TMED3: variants seen among roughly 807,000 people sequenced by gnomAD.
TMED3 encodes the protein transmembrane emp24 domain-containing protein 3.
In TMED3, 9 loss-of-function variants were observed where a neutral mutation model predicts 15.0. The observed-to-expected ratio is 0.60, with a 90% CI of 0.36 to 1.04. TMED3 has a LOEUF of 1.04. Among genes scored for constraint, TMED3 ranks in the 50% least tolerant of loss-of-function variants. The pLI is 0.01. For missense variants in TMED3, 267 were observed against 278.9 expected, an observed-to-expected ratio of 0.96 and a Z score of 0.30; for synonymous variants, 117 against 121.4, an observed-to-expected ratio of 0.96 and a Z score of 0.24.
At chr15:79,395,511 A>T (rs1374403266) in intron 2 of TMED3, among the ~76,000 whole-genome samples, 2 of 152,214 alleles carry the variant, frequency 1.3e-5, no homozygotes, top group African/African-American at 4.8e-5. Flanking sequence ...GGCCATACTT[A>T]ATTTAAAAAT....
chr15:79,329,672 G>T (rs1350856534), intron 2 of TMED3, among the ~76,000 whole-genome samples: 2 of 152,206 alleles, frequency 1.3e-5, no homozygotes, highest in Non-Finnish European at 2.9e-5. Flanking sequence ...CAGAGCCGGA[G>T]CAGGTAGCGG....
In TMED3 at chr15:79,386,827, G is replaced by A. The variant is rs1485245547; in HGVS notation, c.418-24573G>A. On this transcript the variant is annotated intron_variant, in intron 2 of 2. Coordinates refer to the TMED3 transcript ENST00000424155. ...CTCCCAAAGTGCTGGGATTACAGCC[G>A]TGAGCCACTGTGCCTGGACTTTAAA... Among the ~76,000 whole-genome samples, 6 of 151,434 alleles carry A rather than the reference G, an allele frequency of 4.0e-5. 1 individual carries two copies. Among genetic ancestry groups the A allele is most frequent in the Middle Eastern group, 6.9e-3 (2 of 288 alleles).
At chr15:79,399,095 G>C (rs1219443446) in intron 2 of TMED3, among the ~76,000 whole-genome samples, 1 of 152,132 alleles carries the variant, frequency 6.6e-6, no homozygotes, top group African/African-American at 2.4e-5. Flanking sequence ...AGTTTTAGTA[G>C]AGATGGGGTT....
intron 2 of TMED3, among the ~76,000 whole-genome samples, chr15:79,409,945 G>A (rs1463203037): frequency 6.6e-6 from 1 of 151,996 alleles, no homozygotes; most frequent in Non-Finnish European, 1.5e-5. Context: ...CCTGTAGAGG[G>A]GTAAACTAAT....
At chr15:79,401,560 C>T (rs1893833878) in intron 2 of TMED3, among the ~76,000 whole-genome samples, 1 of 151,904 alleles carries the variant, frequency 6.6e-6, no homozygotes, top group South Asian at 2.1e-4. Flanking sequence ...AAACATCCTG[C>T]AATGAACAGC....
intron 2 of TMED3, among the ~76,000 whole-genome samples, chr15:79,348,314 T>C (rs895786483): frequency 6.6e-6 from 1 of 152,188 alleles, no homozygotes; most frequent in Non-Finnish European, 1.5e-5. Flanking sequence ...ATATATACTT[T>C]TTAAGCCAGC....
Position 79,322,077 on chromosome 15 carries a change from G to A in TMED3, c.517G>A (p.Glu173Lys). The change falls in exon 3 of 3, where the codon GAA becomes AAA. Residue 173 changes from glutamate (E) to lysine (K), a missense_variant. By Grantham distance (56) the Glu-to-Lys change is moderately conservative. This residue lies in a region of TMED3 where 139 missense variants were observed against 125.0 expected (regional missense o/e 1.11). Transcript: ENST00000299705. The part of the protein sequence containing the change: ...LREAQDRARA[E>K]DLNSRVSYWS... ...GGAGGCCCAGGACCGGGCCCGAGCA[G>A]AAGACCTTAATAGCCGAGTCTCTTA... is the stretch of plus-strand genomic sequence containing the variant. The A allele has an allele frequency of 6.2e-7, 1 of 1,614,224 alleles. No homozygotes were observed. Among genetic ancestry groups the A allele is most frequent in the Non-Finnish European group, 8.5e-7 (1 of 1,180,046 alleles).
intron 2 of TMED3, among the ~76,000 whole-genome samples, chr15:79,404,157 C>T (rs1383378566): frequency 6.6e-6 from 1 of 152,184 alleles, no homozygotes; most frequent in Non-Finnish European, 1.5e-5. Context: ...TTCTTTAAGA[C>T]TTTGCATGGA....
At chr15:79,337,816 AATGTGGT>A (rs879943767) in intron 2 of TMED3, among the ~76,000 whole-genome samples, 6 of 152,222 alleles carry the variant, frequency 3.9e-5, no homozygotes, top group Admixed American at 3.9e-4. Context: ...TTTGTAACAA[AATGTGGT>A]ATTAAGGGAA....
intron 2 of TMED3, among the ~76,000 whole-genome samples, chr15:79,374,570 T>TA (rs1259515554): frequency 1.3e-5 from 2 of 152,260 alleles, no homozygotes; most frequent in East Asian, 3.9e-4. Flanking sequence ...TGGATTCAGT[T>TA]AAAAATTCCC....
chr15:79,312,614 G>T (rs1410630840), intron 1 of TMED3, among the ~76,000 whole-genome samples: 2 of 152,178 alleles, frequency 1.3e-5, no homozygotes, highest in Non-Finnish European at 2.9e-5. Context: ...CGTGTCCTTT[G>T]ATGGATCTTG....
chr15:79,311,970 C>T (rs1312473002), intron 1 of TMED3, among the ~76,000 whole-genome samples: 1 of 152,216 alleles, frequency 6.6e-6, no homozygotes. Context: ...TTACAAGGAG[C>T]GGTGTGGCTG....
chr15:79,409,140 C>T (rs1375582213), intron 2 of TMED3, among the ~76,000 whole-genome samples: 2 of 152,174 alleles, frequency 1.3e-5, no homozygotes, highest in Non-Finnish European at 2.9e-5. Context: ...CCTGGCAACA[C>T]ATTTCCAACT....
At chr15:79,331,522 A>ATTTT (rs2058808287) in intron 2 of TMED3, among the ~76,000 whole-genome samples, 11 of 148,786 alleles carry the variant, frequency 7.4e-5, no homozygotes, top group Non-Finnish European at 1.6e-4. Context: ...ATAAGACCTC[A>ATTTT]AAAGAACAGG....
At chr15:79,412,547 C>G (rs1894002128) in exon 3 of TMED3, 1 of 152,430 alleles carries the variant, frequency 6.6e-6, no homozygotes, top group Non-Finnish European at 1.5e-5. Context: ...CTGCCAGTCT[C>G]CCGCTCCCAT....
chr15:79,372,921 G>A (rs1893367004), intron 2 of TMED3, among the ~76,000 whole-genome samples: 1 of 152,184 alleles, frequency 6.6e-6, no homozygotes, highest in Non-Finnish European at 1.5e-5. Context: ...TTCAGGCAAT[G>A]TCTGAAAAAT....
At chr15:79,353,039 ATT>A (rs1418766163) in intron 2 of TMED3, among the ~76,000 whole-genome samples, 5 of 100,180 alleles carry the variant, frequency 5.0e-5, no homozygotes, top group Admixed American at 4.6e-4. Context: ...TTTTATATAT[ATT>A]ATATATATAA....
intron 2 of TMED3, among the ~76,000 whole-genome samples, chr15:79,379,142 C>G (rs1893476911): frequency 6.6e-6 from 1 of 152,130 alleles, no homozygotes; most frequent in Non-Finnish European, 1.5e-5. Context: ...TACTGTTGCC[C>G]CTTTACTCAC....
At chr15:79,316,862 G>A (rs566643932) in intron 2 of TMED3, among the ~76,000 whole-genome samples, 2 of 152,160 alleles carry the variant, frequency 1.3e-5, no homozygotes, top group African/African-American at 2.4e-5. Flanking sequence ...TCTGCTGGGT[G>A]GGAAGCTGGC....
Sources: allele counts gnomAD v4.1 joint callset (sites outside exome capture counted in the v4.1 genomes callset), GRCh38; gene constraint gnomAD v4.1.1; regional missense constraint gnomAD v4.1.1; transcripts MANE v1.5; gene names NCBI Gene and HGNC (gene_info 2026-07-23, HGNC 2026-07-21).